WWOX: variants seen among roughly 807,000 people sequenced by gnomAD.
WWOX encodes the protein WW domain containing oxidoreductase, also known as WW domain-containing oxidoreductase.
In WWOX, 69 loss-of-function variants were observed where a neutral mutation model predicts 46.2. That is an observed-to-expected ratio of 1.49 (90% CI 1.23 to 1.82). The LOEUF (loss-of-function observed/expected upper bound fraction) is 1.82, where lower values mean the gene tolerates loss of function less well. Among genes scored for constraint, WWOX ranks in the 40% most tolerant of loss-of-function variants. The pLI is 0.00. For missense variants in WWOX, 919 were observed against 542.6 expected, an observed-to-expected ratio of 1.69 and a Z score of -6.89; for synonymous variants, 359 against 202.6, an observed-to-expected ratio of 1.77 and a Z score of -6.56.
chr16:78,192,931 C>A (rs944142661), intron 5 of WWOX, among the ~76,000 whole-genome samples: 13 of 152,206 alleles, frequency 8.5e-5, no homozygotes, highest in African/African-American at 3.1e-4. Flanking sequence ...AACAAACAAT[C>A]CCAGACTCTC....
chr16:78,643,663 T>C (rs944658139), intron 8 of WWOX, among the ~76,000 whole-genome samples: 3 of 152,260 alleles, frequency 2.0e-5, no homozygotes, highest in East Asian at 1.9e-4. Flanking sequence ...CTCCTAATAA[T>C]GGCCCCGTTG....
chr16:78,312,809 A>G lies in WWOX; in HGVS notation c.517-74051A>G, dbSNP rs139058569. On this transcript the variant is annotated intron_variant, in intron 5 of 8. Transcript: ENST00000566780. ...GCCATACCTTAGGTCCAGTCTTGTG[A>G]CTGAACCAACCAGACAGGCCTAGGC... Among the ~76,000 whole-genome samples, 458 of 152,314 alleles carry G rather than the reference A, an allele frequency of 3.0e-3. 4 individuals carry two copies. Among genetic ancestry groups the G allele is most frequent in the African/African-American group, 0.01 (436 of 41,572 alleles).
intron 8 of WWOX, among the ~76,000 whole-genome samples, chr16:79,207,969 T>C (rs1120443): frequency 0.08 from 12,196 of 152,208 alleles, 726 homozygotes; most frequent in African/African-American, 0.16. Context: ...TTTGGAAGGA[T>C]GGATAATTTA....
At chr16:78,656,607 G>A (rs1319852538) in intron 8 of WWOX, among the ~76,000 whole-genome samples, 2 of 152,146 alleles carry the variant, frequency 1.3e-5, no homozygotes, top group Non-Finnish European at 2.9e-5. Context: ...ACAGCAAGGG[G>A]GAAATCAGCC....
chr16:78,362,627 AAG>A (rs762774118), intron 5 of WWOX, among the ~76,000 whole-genome samples: 4 of 152,060 alleles, frequency 2.6e-5, no homozygotes, highest in Non-Finnish European at 5.9e-5. Flanking sequence ...CCTGCAAAAA[AAG>A]AAAAGAAAGG....
At chr16:78,429,540 G>A (rs1359639799) in intron 7 of WWOX, among the ~76,000 whole-genome samples, 6 of 152,104 alleles carry the variant, frequency 3.9e-5, no homozygotes, top group African/African-American at 1.4e-4. Flanking sequence ...GACAAAAGAT[G>A]AGTAGAGAGA....
intron 8 of WWOX, among the ~76,000 whole-genome samples, chr16:79,094,412 G>C (rs887057436): frequency 1.3e-5 from 2 of 152,034 alleles, no homozygotes; most frequent in African/African-American, 4.8e-5. Context: ...ACCATGTCCA[G>C]CTAATTTTTT....
intron 8 of WWOX, among the ~76,000 whole-genome samples, chr16:78,801,212 C>G (rs12447141): frequency 0.12 from 18,145 of 151,728 alleles, 1,333 homozygotes; most frequent in Non-Finnish European, 0.16. Flanking sequence ...CAAACAAACA[C>G]CACTCACCAT....
At chr16:78,843,800 T>A (rs1567598986) in intron 8 of WWOX, among the ~76,000 whole-genome samples, 2 of 152,212 alleles carry the variant, frequency 1.3e-5, no homozygotes, top group Admixed American at 6.5e-5. Flanking sequence ...TTTTTTAAAA[T>A]AAGTTTGATT....
chr16:78,844,101 G>A (rs746281899), intron 8 of WWOX, among the ~76,000 whole-genome samples: 1 of 151,988 alleles, frequency 6.6e-6, no homozygotes, highest in African/African-American at 2.4e-5. Context: ...GGTGACGCTG[G>A]GTGCCTTGTA....
intron 5 of WWOX, among the ~76,000 whole-genome samples, chr16:78,165,398 T>C (rs751068977): frequency 2.0e-5 from 3 of 152,160 alleles, no homozygotes; most frequent in Non-Finnish European, 4.4e-5. Flanking sequence ...AACACAGATC[T>C]TAATGTAAAC....
intron 8 of WWOX, among the ~76,000 whole-genome samples, chr16:78,774,102 T>G (rs1358153290): frequency 2.0e-5 from 3 of 152,168 alleles, no homozygotes; most frequent in Non-Finnish European, 4.4e-5. Context: ...CTGGAGATTT[T>G]TATTAAACAT....
chr16:78,376,150 G>A (rs1347195169), intron 5 of WWOX, among the ~76,000 whole-genome samples: 2 of 152,152 alleles, frequency 1.3e-5, no homozygotes, highest in South Asian at 2.1e-4. Context: ...ACGCCCAGCC[G>A]CTTCTCGTAG....
chr16:78,165,619 C>G (rs1648573509), intron 5 of WWOX, among the ~76,000 whole-genome samples: 2 of 152,018 alleles, frequency 1.3e-5, no homozygotes, highest in Admixed American at 1.3e-4. Context: ...GGGAGCAGAG[C>G]CTGAAGGGGG....
At chr16:78,684,496 G>A (rs1477182009) in intron 8 of WWOX, among the ~76,000 whole-genome samples, 1 of 152,156 alleles carries the variant, frequency 6.6e-6, no homozygotes, top group African/African-American at 2.4e-5. Context: ...CCACCCATTT[G>A]CAGTTCCCTC....
intron 5 of WWOX, among the ~76,000 whole-genome samples, chr16:78,188,399 A>G (rs1268442486): frequency 1.3e-5 from 2 of 151,892 alleles, no homozygotes; most frequent in Non-Finnish European, 2.9e-5. Context: ...GAGGCAGGAC[A>G]ATGGCGTGAA....
At chr16:79,114,304 T>A (rs560403917) in intron 8 of WWOX, among the ~76,000 whole-genome samples, 2 of 152,104 alleles carry the variant, frequency 1.3e-5, no homozygotes, top group Admixed American at 1.3e-4. Context: ...TGGATTAAGA[T>A]GGAGCCTCAA....
chr16:78,328,671 T>C (rs2080687197), intron 5 of WWOX, among the ~76,000 whole-genome samples: 1 of 152,158 alleles, frequency 6.6e-6, no homozygotes, highest in African/African-American at 2.4e-5. Flanking sequence ...ACAGAAATAC[T>C]CTTGATAATG....
At chr16:78,874,908 A>G (rs2044205111) in intron 8 of WWOX, among the ~76,000 whole-genome samples, 1 of 152,094 alleles carries the variant, frequency 6.6e-6, no homozygotes, top group African/African-American at 2.4e-5. Flanking sequence ...CCCTTCAAGC[A>G]TAGAGACACA....
Sources: gnomAD v4.1 joint callset for allele counts (sites outside exome capture counted in the v4.1 genomes callset) on GRCh38, gnomAD v4.1.1 for gene constraint, MANE v1.5 for transcripts, NCBI Gene and HGNC (gene_info 2026-07-23, HGNC 2026-07-21) for gene names.